Variants in COL5A2 observed in about 807,000 individuals in gnomAD.
The protein encoded by COL5A2 is collagen alpha-2(V) chain.
A neutral mutation model predicts 208.2 loss-of-function variants in COL5A2; 23 were observed. The ratio of observed to expected loss-of-function variants is 0.11; its 90% CI spans 0.08 to 0.16. COL5A2 has a LOEUF of 0.16. Ranked by LOEUF, COL5A2 falls within the 10% of genes least tolerant of loss-of-function variation. COL5A2 has a pLI of 1.00. For missense variants in COL5A2, 1,590 were observed against 1,956.4 expected (o/e 0.81, Z 3.53); for synonymous variants, 625 against 628.5 (o/e 0.99, Z 0.08).
the COL5A2 span, among the ~76,000 whole-genome samples, chr2:189,326,312 T>C: frequency 6.6e-6 from 1 of 152,088 alleles, no homozygotes; most frequent in Non-Finnish European, 1.5e-5. Context: ...TGTAGGATGA[T>C]GGTGGGGAGG....
rs778711548 is a variant in COL5A2 at position 189,035,172 on chromosome 2, T to C, written c.4114-17A>G. ...ATAAGCGAACTAGAAAAACAAAGAGTCTTTGTCATACACAAGACTGAAGGG... is the reference window on the plus strand; with the variant it reads ...ATAAGCGAACTAGAAAAACAAAGAGCCTTTGTCATACACAAGACTGAAGGG... On this transcript the variant is annotated splice_polypyrimidine_tract_variant and intron_variant, in intron 52 of 53. Coordinates refer to ENST00000374866, the MANE Select transcript of COL5A2 (RefSeq NM_000393.5). The C allele has an allele frequency of 5.0e-6, 8 of 1,613,464 alleles. No individual in the cohort carries two copies. Among genetic ancestry groups the C allele is most frequent in the Admixed American group, 1.7e-5 (1 of 59,970 alleles).
At chr2:189,221,501 G>A (rs1381665632) in intron 1 of COL5A2, among the ~76,000 whole-genome samples, 2 of 152,016 alleles carry the variant, frequency 1.3e-5, no homozygotes, top group African/African-American at 4.8e-5. Flanking sequence ...AGAGGGGTGG[G>A]ATGTTAGAAT....
chr2:189,310,347 G>A, the COL5A2 span, among the ~76,000 whole-genome samples: 5 of 152,090 alleles, frequency 3.3e-5, no homozygotes, highest in Non-Finnish European at 4.4e-5. Context: ...TCAGAGAAAC[G>A]CAAATCAAAG....
In COL5A2 at chr2:189,034,182, T is replaced by C. The variant is rs1685396293; in HGVS notation, c.4388A>G (p.Glu1463Gly). 1.9e-6 allele frequency: 3 copies of C among 1,613,978 alleles called. No individual in the cohort carries two copies. Among genetic ancestry groups the C allele is most frequent in the Non-Finnish European group, 2.5e-6 (3 of 1,179,922 alleles). Reference protein sequence around the residue: ...RNGNVGKTVFEYRTQNVARLP... With the variant: ...RNGNVGKTVFGYRTQNVARLP... ...GCGTGCCACATTCTGTGTTCTATAT[T>C]CAAAGACAGTCTTGCCCACATTTCC... is the stretch of plus-strand genomic sequence containing the variant. The change falls in exon 54 of 54, where the codon GAA (glutamate) becomes GGA (glycine). Residue 1463 changes from glutamate to glycine, a missense_variant. Physicochemically the swap from Glu to Gly is moderately conservative, Grantham distance 98 (BLOSUM62 -2). Coordinates refer to ENST00000374866, the MANE Select transcript of COL5A2 (RefSeq NM_000393.5).
rs576960019 is a variant in COL5A2, at chr2:189,215,186, G to A, written c.-42+9962C>T. On this transcript the variant is annotated intron_variant, in intron 1 of 10. Coordinates refer to the COL5A2 transcript ENST00000649966. ...CATAATAAAAGAAGAGCTAGATCTC[G>A]TAGGGTGATCTAATCATCCCTGTTT... 4.6e-5 allele frequency among the ~76,000 whole-genome samples: 7 copies of A among 152,176 alleles called. No homozygotes were observed. In the South Asian group the frequency reaches 1.0e-3, roughly 23 times the overall value.
In COL5A2 at chr2:189,045,037, T is replaced by C. The variant is rs897091193; in HGVS notation, c.3363+142A>G. 3 of 508,732 alleles carry C rather than the reference T, an allele frequency of 5.9e-6. No individual in the cohort carries two copies. The African/African-American group carries it at 6.0e-5, about 10-fold the overall frequency. 31.5% of individuals were successfully genotyped at this position (508,732 alleles called of 1,614,324 possible). ...CTCGTATTACTTTAAAAAATAAGAG[T>C]AAACTTATAATTTTTAATTAATATT... On this transcript the variant is annotated intron_variant, in intron 47 of 53. Transcript: ENST00000374866.
intron 1 of COL5A2, among the ~76,000 whole-genome samples, chr2:189,158,172 A>G (rs1390362583): frequency 6.6e-6 from 1 of 152,058 alleles, no homozygotes; most frequent in African/African-American, 2.4e-5. Flanking sequence ...GACCGACTCC[A>G]TAGTAATGAC....
At chr2:189,353,148 A>G in the COL5A2 span, among the ~76,000 whole-genome samples, 7 of 152,166 alleles carry the variant, frequency 4.6e-5, no homozygotes, top group East Asian at 7.7e-4. Flanking sequence ...ATTGGTGTAT[A>G]TATCTGTGTT....
At chr2:189,187,986 T>C (rs1250741891) in intron 1 of COL5A2, among the ~76,000 whole-genome samples, 1 of 114,414 alleles carries the variant, frequency 8.7e-6, no homozygotes, top group African/African-American at 2.8e-5. Context: ...AAAGTTACTA[T>C]TAAAATTTAC....
chr2:189,423,271 T>A, the COL5A2 span, among the ~76,000 whole-genome samples: 1 of 151,632 alleles, frequency 6.6e-6, no homozygotes, highest in Non-Finnish European at 1.5e-5. Flanking sequence ...CAGCACTAAG[T>A]GCCTACATCA....
At chr2:189,102,070 T>C (rs1385630882) in intron 3 of COL5A2, among the ~76,000 whole-genome samples, 2 of 152,050 alleles carry the variant, frequency 1.3e-5, no homozygotes, top group Non-Finnish European at 2.9e-5. Context: ...TTAGAAAGGG[T>C]ACATAAATTT....
intron 1 of COL5A2, among the ~76,000 whole-genome samples, chr2:189,208,761 G>C (rs1029869219): frequency 1.3e-5 from 2 of 152,178 alleles, no homozygotes; most frequent in Non-Finnish European, 1.5e-5. Flanking sequence ...TTGAGCTATT[G>C]ATTCTCATTT....
chr2:189,264,934 A>T, the COL5A2 span, among the ~76,000 whole-genome samples: 1 of 152,184 alleles, frequency 6.6e-6, no homozygotes. Flanking sequence ...TGGAAAATTG[A>T]TCTTTTACTT....
the COL5A2 span, among the ~76,000 whole-genome samples, chr2:189,407,026 T>C: frequency 1.3e-5 from 2 of 152,138 alleles, no homozygotes; most frequent in African/African-American, 4.8e-5. Flanking sequence ...ATTTAACATG[T>C]ATTAACTTAT....
chr2:189,285,420 T>C, the COL5A2 span, among the ~76,000 whole-genome samples: 1 of 152,248 alleles, frequency 6.6e-6, no homozygotes, highest in Non-Finnish European at 1.5e-5. Context: ...AAAGGCCCCC[T>C]GAATTCTGAC....
At chr2:189,212,782 G>A (rs1020454256) in intron 1 of COL5A2, among the ~76,000 whole-genome samples, 2 of 151,600 alleles carry the variant, frequency 1.3e-5, no homozygotes, top group Non-Finnish European at 2.9e-5. Context: ...AATTGGGGTG[G>A]CAAGAGGAGG....
the COL5A2 span, chr2:189,311,862 G>C: frequency 7.8e-7 from 1 of 1,289,186 alleles, no homozygotes; most frequent in Non-Finnish European, 1.1e-6. Context: ...CTGGCAATCT[G>C]GGCTTGTAGG....
At chr2:189,187,950 C>A (rs142918834) in intron 1 of COL5A2, among the ~76,000 whole-genome samples, 9 of 134,528 alleles carry the variant, frequency 6.7e-5, no homozygotes, top group Middle Eastern at 4.5e-3. Flanking sequence ...GCCTGGGCAA[C>A]GGAGCGAGAC....
At chr2:189,092,558 T>C (rs1686811403) in intron 6 of COL5A2, 138 bp from the exon 7 acceptor site, 2 of 700,816 alleles carry the variant, frequency 2.9e-6, no homozygotes, top group Non-Finnish European at 5.3e-6. Context: ...TTAGAGTAAT[T>C]TCATCAGCCA....
Sources: allele counts gnomAD v4.1 joint callset (sites outside exome capture counted in the v4.1 genomes callset), GRCh38; gene constraint gnomAD v4.1.1; transcripts MANE v1.5; gene names NCBI Gene and HGNC (gene_info 2026-07-23, HGNC 2026-07-21).